The following FCSK variants were observed in gnomAD, a reference collection of about 807,000 sequenced individuals.
The protein encoded by FCSK is fucose kinase.
FCSK carries 123 observed loss-of-function variants against 122.5 expected under a neutral mutation model. The observed-to-expected ratio is 1.00, with a 90% CI of 0.87 to 1.17. FCSK has a LOEUF of 1.17. Ranked by LOEUF, FCSK falls within the 50% of genes most tolerant of loss-of-function variation. FCSK has a pLI of 0.00. For synonymous variants in FCSK, 620 were observed against 625.5 expected, an observed-to-expected ratio of 0.99 and a Z score of 0.13; for missense variants, 1,366 against 1,450.4, an observed-to-expected ratio of 0.94 and a Z score of 0.95.
In FCSK at chr16:70,473,063, C is replaced by A; in HGVS notation, c.1487C>A (p.Pro496His). The A allele has an allele frequency of 6.3e-7, 1 of 1,590,030 alleles. No homozygotes were observed. Among genetic ancestry groups the A allele is most frequent in the South Asian group, 1.1e-5 (1 of 87,450 alleles). Residue 496 changes from proline to histidine, a missense_variant, in exon 15 of 24, where the codon CCC becomes CAC. Coordinates refer to ENST00000288078, the MANE Select transcript of FCSK (RefSeq NM_145059.3). The surrounding 1 kb of genome is among the most constrained non-coding windows in gnomAD (Gnocchi z 4.9). ...GCCCGCCTCTTTCCTGTGCTCCACC[C>A]CTCGAGGGAGCTGGGACCCCAGGAC... is the stretch of plus-strand genomic sequence containing the variant. ...PSARLFPVLHPSRELGPQDLL... is the reference protein window; with the variant it reads ...PSARLFPVLHHSRELGPQDLL...
In FCSK at chr16:70,470,411, G is replaced by A. The variant is rs1325979784; in HGVS notation, c.1053G>A (p.Val351=). 2 of 1,611,988 alleles carry A rather than the reference G, an allele frequency of 1.2e-6. No individual in the cohort carries two copies. Among genetic ancestry groups the A allele is most frequent in the Admixed American group, 1.7e-5 (1 of 59,974 alleles). ...TLPGAPGAQI[V]HSQVEEQQLL... ...CCGGGGCTCCTGGGGCCCAGATTGT[G>A]CACTCCCAGGTGGAGGTGAGACCTC... Residue 351 remains valine, a synonymous_variant, in exon 11 of 24, where the codon GTG becomes GTA. Transcript: ENST00000288078.
intron 1 of FCSK, among the ~76,000 whole-genome samples, chr16:70,460,213 G>A (rs1332904316): frequency 6.7e-6 from 1 of 148,468 alleles, no homozygotes; most frequent in Non-Finnish European, 1.5e-5. Context: ...CCGGGTTCAT[G>A]CCATTCTCTT....
rs1191312608 is a variant in FCSK, at chr16:70,473,541, G to C, written c.1777+188G>C. On this transcript the variant is annotated intron_variant, in intron 15 of 23. Transcript: ENST00000288078. This position sits in a 1 kb window ranked among gnomAD's most constrained non-coding sequence, Gnocchi z 4.9. ...CAATGGGGTTTGGTCTGAGGTTGAG[G>C]CATGTTCATCCTTGTCAGTGGGGTT... 1.3e-5 allele frequency among the ~76,000 whole-genome samples: 2 copies of C among 152,170 alleles called. No homozygotes were observed. Among genetic ancestry groups the C allele is most frequent in the African/African-American group, 2.4e-5 (1 of 41,450 alleles).
intron 1 of FCSK, chr16:70,457,975 G>T (rs2048142022): frequency 6.6e-6 from 1 of 151,508 alleles, no homozygotes; most frequent in Non-Finnish European, 1.5e-5. Flanking sequence ...AAAAGACCCA[G>T]GTGTGTTGCA....
At chr16:70,459,441 G>A (rs1597599832) in intron 1 of FCSK, among the ~76,000 whole-genome samples, 2 of 152,024 alleles carry the variant, frequency 1.3e-5, no homozygotes, top group African/African-American at 4.8e-5. Flanking sequence ...GGAGGCTGAG[G>A]CAGGGAGAAT....
At chr16:70,466,094 G>A in intron 4 of FCSK, 38 bp from the exon 5 acceptor site, 1 of 1,607,076 alleles carries the variant, frequency 6.2e-7, no homozygotes, top group Non-Finnish European at 8.5e-7. Context: ...CTTGGGCTCT[G>A]TGCACTGAGG....
rs755709267 is a variant in FCSK, at chr16:70,478,351, G to T, written c.2721G>T (p.Lys907Asn). Residue 907 changes from lysine (K) to asparagine (N), a missense_variant, in exon 21 of 24, where the codon AAG becomes AAT. Coordinates refer to ENST00000288078, the MANE Select transcript of FCSK (RefSeq NM_145059.3). ...VGRSRAQLPL[K>N]VEVEEVTVPE... Reference sequence around the variant, plus strand: ...GCTCCCGGGCTCAGCTGCCACTGAAGGTGGAGGTAGAAGAGGTCACGGTGC... The same window carrying T: ...GCTCCCGGGCTCAGCTGCCACTGAATGTGGAGGTAGAAGAGGTCACGGTGC... 80 of 1,614,124 alleles carry T rather than the reference G, an allele frequency of 5.0e-5. No homozygotes were observed. Among genetic ancestry groups the T allele is most frequent in the Non-Finnish European group, 6.4e-5 (75 of 1,180,058 alleles).
chr16:70,470,212 T>C, intron 10 of FCSK, 102 bp from the exon 11 acceptor site: 1 of 748,000 alleles, frequency 1.3e-6, no homozygotes, highest in South Asian at 1.6e-5. Flanking sequence ...CCTAACAGGC[T>C]CATGGCCACA....
chr16:70,465,226 C>G (rs775501343), intron 4 of FCSK, 50 bp downstream of exon 4: 8 of 1,559,868 alleles, frequency 5.1e-6, no homozygotes, highest in Non-Finnish European at 7.0e-6. Flanking sequence ...AATCCCAGTT[C>G]GTGGAGTTGA....
At chr16:70,464,258 C>T (rs1312509698) in intron 3 of FCSK, among the ~76,000 whole-genome samples, 4 of 152,170 alleles carry the variant, frequency 2.6e-5, no homozygotes, top group Admixed American at 1.3e-4. Flanking sequence ...AGGGAGATGG[C>T]ACCAGCAGGG....
intron 1 of FCSK, among the ~76,000 whole-genome samples, chr16:70,457,305 A>C (rs1350518685): frequency 1.3e-5 from 2 of 151,898 alleles, no homozygotes; most frequent in Non-Finnish European, 2.9e-5. Context: ...CCCAGGCTAG[A>C]GTGCAGTGGC....
At position 70,474,900 on chromosome 16, in the gene FCSK, C is replaced by G; in HGVS notation, c.2266C>G (p.Pro756Ala). Residue 756 changes from proline (P) to alanine (A), a missense_variant, in exon 18 of 24, where the codon CCG becomes GCG. Coordinates refer to ENST00000288078, the MANE Select transcript of FCSK (RefSeq NM_145059.3). Reference protein sequence around the residue: ...RPIGARARRIPEPELWLAVGP... With the variant: ...RPIGARARRIAEPELWLAVGP... The stretch of plus-strand genomic sequence containing the variant: ...CATCGGAGCCAGGGCACGCCGCATC[C>G]CGGAGCCTGAGCTGTGGCTGGCGGT... 1.2e-6 allele frequency: 2 copies of G among 1,609,470 alleles called. No individual in the cohort carries two copies. The highest frequency in any genetic ancestry group is 1.7e-6 in the Non-Finnish European group (2 of 1,178,484).
At position 70,478,658 on chromosome 16, in the gene FCSK, G is replaced by C; in HGVS notation, c.2929+8G>C. The C allele has an allele frequency of 6.2e-7, 1 of 1,611,640 alleles. No homozygotes were observed. Among genetic ancestry groups the C allele is most frequent in the Non-Finnish European group, 8.5e-7 (1 of 1,178,824 alleles). The stretch of plus-strand genomic sequence containing the variant: ...CTGAAGGCTTCCGCCAAGGTGAGGG[G>C]CTTCCTCTGGGGGGGTCAGGGCACT... On this transcript the variant is annotated splice_region_variant and intron_variant, in intron 22 of 23. Coordinates refer to ENST00000288078, the MANE Select transcript of FCSK (RefSeq NM_145059.3).
Position 70,464,073 on chromosome 16 carries a change from C to T in FCSK, c.234+299C>T, listed in dbSNP as rs527473491. Among the ~76,000 whole-genome samples, 27 of 152,284 alleles carry T rather than the reference C, an allele frequency of 1.8e-4. No individual in the cohort carries two copies. In the South Asian group the frequency reaches 5.6e-3, roughly 32 times the overall value. On this transcript the variant is annotated intron_variant, in intron 3 of 23. Transcript: ENST00000288078. ...CTGGGCTGTCATCCCCATATGGCAACGAACTGTTCGCTGGACCTGAGCTGC... is the reference window on the plus strand; with the variant it reads ...CTGGGCTGTCATCCCCATATGGCAATGAACTGTTCGCTGGACCTGAGCTGC...
rs756592568 is a variant in FCSK, at chr16:70,472,963, G to C, written c.1407-20G>C. The C allele has an allele frequency of 1.3e-6, 2 of 1,589,764 alleles. No homozygotes were observed. The highest frequency in any genetic ancestry group is 1.7e-6 in the Non-Finnish European group (2 of 1,169,038). Reference sequence around the variant, plus strand: ...GAGCTTTTGCTTCCCTCCTGGGAATGTGCCTTCTCCCCACATCAGAGCCTG... The same window carrying C: ...GAGCTTTTGCTTCCCTCCTGGGAATCTGCCTTCTCCCCACATCAGAGCCTG... On this transcript the variant is annotated intron_variant, in intron 14 of 23. Coordinates refer to ENST00000288078, the MANE Select transcript of FCSK (RefSeq NM_145059.3).
At chr16:70,457,427 G>C (rs1355472875) in intron 1 of FCSK, among the ~76,000 whole-genome samples, 1 of 151,718 alleles carries the variant, frequency 6.6e-6, no homozygotes, top group African/African-American at 2.4e-5. Flanking sequence ...GCTAATTTTT[G>C]TACTTTTAAA....
In FCSK at chr16:70,471,328, CGTT is replaced by C. The variant is rs1158985768; in HGVS notation, c.1319_1321del (p.Val440del). The C allele has an allele frequency of 1.3e-6, 2 of 1,593,332 alleles. No homozygotes were observed. The highest frequency in any genetic ancestry group is 2.3e-5 in the East Asian group (1 of 44,190). ...GCTCCCCGGGCCACGCCTTCACCCT[CGTT>C]GGCCGTCTGGACAGCTGGGAGGTAG... On this transcript the variant is annotated inframe_deletion, in exon 13 of 24. Coordinates refer to ENST00000288078, the MANE Select transcript of FCSK (RefSeq NM_145059.3).
chr16:70,479,584 T>C lies in FCSK; in HGVS notation c.3159T>C (p.Leu1053=). 1.2e-6 allele frequency: 2 copies of C among 1,613,776 alleles called. No individual in the cohort carries two copies. The highest frequency in any genetic ancestry group is 1.7e-6 in the Non-Finnish European group (2 of 1,179,766). Residue 1053 remains leucine, a synonymous_variant, in exon 24 of 24, where the codon CTT becomes CTC. Coordinates refer to ENST00000288078, the MANE Select transcript of FCSK (RefSeq NM_145059.3). ...ATACTTCCTGTCTTGTCCAGGGCCT[T>C]GGGAATTACAGCATCCACCTGGTTG... is the stretch of plus-strand genomic sequence containing the variant. ...LEAVLAKTEG[L]GNYSIHLVEV... is the part of the protein sequence containing the mutation.
Position 70,478,258 on chromosome 16 carries a change from C to A in FCSK, c.2642-14C>A. On this transcript the variant is annotated splice_polypyrimidine_tract_variant and intron_variant, in intron 20 of 23. Transcript: ENST00000288078. Reference sequence around the variant, plus strand: ...CCAGATAGACTCCAACAGTGACAGTCCCTGGGCTCACAGGAGGTGGCTGGC... The same window carrying A: ...CCAGATAGACTCCAACAGTGACAGTACCTGGGCTCACAGGAGGTGGCTGGC... 3.1e-6 allele frequency: 5 copies of A among 1,612,840 alleles called. No individual in the cohort carries two copies. The highest frequency in any genetic ancestry group is 4.2e-6 in the Non-Finnish European group (5 of 1,179,506).
Sources: gnomAD v4.1 joint callset for allele counts (sites outside exome capture counted in the v4.1 genomes callset) on GRCh38, gnomAD v4.1.1 for gene constraint, Gnocchi (gnomAD v3.1) non-coding constraint, MANE v1.5 for transcripts, NCBI Gene and HGNC (gene_info 2026-07-23, HGNC 2026-07-21) for gene names.